The following WHRN variants were observed in gnomAD, a reference collection of about 807,000 sequenced individuals.
WHRN encodes the protein whirlin, also known as CASK-interacting protein CIP98.
WHRN carries 41 observed loss-of-function variants against 68.3 expected under a neutral mutation model. The ratio of observed to expected loss-of-function variants is 0.60; its 90% CI spans 0.47 to 0.78. The LOEUF (loss-of-function observed/expected upper bound fraction) is 0.78, where lower values mean the gene tolerates loss of function less well. Ranked by LOEUF, WHRN falls within the 30% of genes least tolerant of loss-of-function variation. The pLI is 0.00. For missense variants in WHRN, 1,243 were observed against 1,244.7 expected (o/e 1.00, Z 0.02); for synonymous variants, 560 against 561.3 (o/e 1.00, Z 0.03).
At chr9:114,415,950 G>A (rs1413163829) in intron 7 of WHRN, among the ~76,000 whole-genome samples, 1 of 152,142 alleles carries the variant, frequency 6.6e-6, no homozygotes, top group Non-Finnish European at 1.5e-5. Flanking sequence ...TGCAGCTGGA[G>A]GGGCCTGAGA....
At chr9:114,435,884 ACTTCTAAAAC>A (rs1837806425) in intron 3 of WHRN, among the ~76,000 whole-genome samples, 1 of 136,870 alleles carries the variant, frequency 7.3e-6, no homozygotes, top group Admixed American at 8.0e-5. Context: ...AACTTCACAC[ACTTCTAAAAC>A]ACTCTAAAAC....
chr9:114,480,081 A>C (rs1841981928), intron 1 of WHRN, among the ~76,000 whole-genome samples: 1 of 150,490 alleles, frequency 6.6e-6, no homozygotes, highest in African/African-American at 2.5e-5. Context: ...AGTAATAATT[A>C]ATTAAAAAAA....
rs148677152 is a variant in WHRN, at chr9:114,424,391, G to A, written c.1359C>T (p.Ser453=). 4.0e-5 allele frequency: 65 copies of A among 1,612,712 alleles called. No individual in the cohort carries two copies. In the South Asian group the frequency reaches 5.6e-4, roughly 14 times the overall value. The change falls in exon 6 of 12, where the codon AGC becomes AGT. Residue 453 remains serine, a synonymous_variant. Transcript: ENST00000362057. ...CCATGACGAGGGCCTCCACAGAGAC[G>A]CTGCCACCACGGTACTCATCCAGGT... The part of the protein sequence containing the change: ...AYYLDEYRGG[S]VSVEALVMAL...
chr9:114,449,558 T>C (rs969895520), intron 3 of WHRN, among the ~76,000 whole-genome samples: 5 of 152,206 alleles, frequency 3.3e-5, no homozygotes, highest in Admixed American at 6.5e-5. Context: ...ATTTCTGCAA[T>C]TGATTAAACA....
At chr9:114,471,821 T>A (rs992831917) in intron 2 of WHRN, among the ~76,000 whole-genome samples, 2 of 152,200 alleles carry the variant, frequency 1.3e-5, no homozygotes, top group African/African-American at 4.8e-5. Context: ...GATTCCCCAC[T>A]CTGAAAAGAC....
chr9:114,420,161 A>G (rs1436414132), intron 7 of WHRN, among the ~76,000 whole-genome samples: 1 of 152,200 alleles, frequency 6.6e-6, no homozygotes, highest in Non-Finnish European at 1.5e-5. Context: ...CCCCTTCCCC[A>G]AATGCACACG....
chr9:114,435,697 A>G (rs1837791699), intron 3 of WHRN, among the ~76,000 whole-genome samples: 1 of 152,198 alleles, frequency 6.6e-6, no homozygotes. Flanking sequence ...GCTGCTCTGT[A>G]GACCTGCAAG....
At chr9:114,458,190 G>C (rs1839967292) in intron 3 of WHRN, among the ~76,000 whole-genome samples, 1 of 152,158 alleles carries the variant, frequency 6.6e-6, no homozygotes, top group Non-Finnish European at 1.5e-5. Context: ...TGTCCTTCCA[G>C]ATCTCTTTTG....
At chr9:114,420,066 G>A (rs747532619) in intron 7 of WHRN, among the ~76,000 whole-genome samples, 7 of 152,196 alleles carry the variant, frequency 4.6e-5, no homozygotes, top group Non-Finnish European at 1.0e-4. Flanking sequence ...CACAGCAGCC[G>A]CTCCTGGGGA....
chr9:114,495,732 G>T (rs991555930), intron 1 of WHRN, among the ~76,000 whole-genome samples: 4 of 152,148 alleles, frequency 2.6e-5, no homozygotes, highest in African/African-American at 9.7e-5. Context: ...GAGGAGAGGG[G>T]CTCAAGAGAG....
intron 7 of WHRN, among the ~76,000 whole-genome samples, chr9:114,414,619 G>A (rs951939744): frequency 7.9e-5 from 12 of 152,200 alleles, no homozygotes; most frequent in Non-Finnish European, 1.8e-4. Context: ...GGTGGAAAGA[G>A]CTTCCAGCAA....
At chr9:114,408,063 AG>A (rs1835168593) in intron 7 of WHRN, 45 bp from the exon 8 acceptor site, 3 of 1,511,496 alleles carry the variant, frequency 2.0e-6, no homozygotes, top group Admixed American at 1.9e-5. Flanking sequence ...GAAGCTGAGA[AG>A]GGAACACTGG....
intron 2 of WHRN, among the ~76,000 whole-genome samples, chr9:114,467,740 G>A (rs768803341): frequency 6.6e-6 from 1 of 152,096 alleles, no homozygotes; most frequent in African/African-American, 2.4e-5. Flanking sequence ...GTGTGTCTCC[G>A]GTATGAAAGA....
intron 2 of WHRN, among the ~76,000 whole-genome samples, chr9:114,466,933 GGGGTCTCCTGTCACCTCA>G (rs1840755759): frequency 6.7e-6 from 1 of 148,840 alleles, no homozygotes; most frequent in Middle Eastern, 3.3e-3. Context: ...TATCATCTCA[GGGGTCTCCTGTCACCTCA>G]GGGTCTCCTG....
intron 2 of WHRN, among the ~76,000 whole-genome samples, chr9:114,471,062 T>C (rs1036257713): frequency 6.6e-6 from 1 of 152,160 alleles, no homozygotes; most frequent in African/African-American, 2.4e-5. Context: ...ATAACAGTTC[T>C]ATCAAGCACA....
chr9:114,469,825 C>T (rs1357750095), intron 2 of WHRN, among the ~76,000 whole-genome samples: 2 of 152,254 alleles, frequency 1.3e-5, no homozygotes, highest in African/African-American at 4.8e-5. Flanking sequence ...AAGGACCACA[C>T]TTCTCCTAGA....
At chr9:114,433,915 A>G (rs1837627781) in intron 3 of WHRN, among the ~76,000 whole-genome samples, 1 of 152,160 alleles carries the variant, frequency 6.6e-6, no homozygotes, top group Non-Finnish European at 1.5e-5. Flanking sequence ...ACATTGGCAG[A>G]TCCGTTGTTA....
chr9:114,481,601 C>A (rs933605359), intron 1 of WHRN, among the ~76,000 whole-genome samples: 1 of 152,228 alleles, frequency 6.6e-6, no homozygotes, highest in African/African-American at 2.4e-5. Context: ...CTCTCCCTCT[C>A]GTCTCTGCCT....
intron 3 of WHRN, among the ~76,000 whole-genome samples, chr9:114,452,110 T>C (rs1158454304): frequency 2.0e-5 from 3 of 152,284 alleles, no homozygotes; most frequent in Middle Eastern, 3.4e-3. Flanking sequence ...CTCAGCAACA[T>C]AGGAAAGGTA....
Sources: gnomAD v4.1 joint callset for allele counts (sites outside exome capture counted in the v4.1 genomes callset) on GRCh38, gnomAD v4.1.1 for gene constraint, MANE v1.5 for transcripts, NCBI Gene and HGNC (gene_info 2026-07-23, HGNC 2026-07-21) for gene names.